GPR161: variants seen among roughly 807,000 people sequenced by gnomAD.
GPR161 encodes G-protein coupled receptor RE2.
GPR161 carries 25 observed loss-of-function variants against 39.2 expected under a neutral mutation model. That is an observed-to-expected ratio of 0.64 (90% CI 0.47 to 0.89). GPR161 has a LOEUF of 0.89. Ranked by LOEUF, GPR161 falls within the 40% of genes least tolerant of loss-of-function variation. The pLI is 0.00. For missense variants in GPR161, 547 were observed against 677.8 expected, an observed-to-expected ratio of 0.81 and a Z score of 2.14; for synonymous variants, 286 against 276.6, an observed-to-expected ratio of 1.03 and a Z score of -0.34.
chr1:168,113,869 A>G (rs780049615), intron 1 of GPR161, among the ~76,000 whole-genome samples: 2 of 152,228 alleles, frequency 1.3e-5, no homozygotes, highest in Admixed American at 1.3e-4. Flanking sequence ...AAAAATAACT[A>G]TTAGGTACTA....
At chr1:168,133,906 G>A (rs1419159476) in intron 1 of GPR161, 2 of 969,262 alleles carry the variant, frequency 2.1e-6, no homozygotes, top group Non-Finnish European at 2.5e-6. Context: ...ACCATATTGA[G>A]CACACTGAAA....
At position 168,085,053 on chromosome 1, in the gene GPR161, G is replaced by T. The variant is rs1437735951; in HGVS notation, c.*478C>A. 1 of 456,502 alleles carries T rather than the reference G, an allele frequency of 2.2e-6. No homozygotes were observed. The highest frequency in any genetic ancestry group is 4.4e-6 in the Non-Finnish European group (1 of 227,132). The allele number at this position is 456,502 out of a possible 1,614,324, so 28.3% of individuals were successfully genotyped here. A position where few individuals can be genotyped will look rare whatever the true frequency, so the allele number is the denominator to read the frequency against. On this transcript the variant is annotated 3_prime_UTR_variant, in exon 6 of 6. Transcript: ENST00000682931. ...CATGTAGAGGCACCAGGACGGTCGC[G>T]TGTCATTAGGAAGAAGTGCTGTGTC...
chr1:168,119,540 G>C (rs1200595099), intron 1 of GPR161, among the ~76,000 whole-genome samples: 1 of 151,930 alleles, frequency 6.6e-6, no homozygotes, highest in Admixed American at 6.6e-5. Flanking sequence ...AATGAGAATA[G>C]GGTTTCTACA....
chr1:168,099,127 G>C (rs1023367004), intron 2 of GPR161, among the ~76,000 whole-genome samples: 2 of 152,188 alleles, frequency 1.3e-5, no homozygotes, highest in African/African-American at 4.8e-5. Context: ...GCCCTACACT[G>C]CTCCTGCTTC....
chr1:168,089,819 A>C (rs768511697), intron 4 of GPR161, among the ~76,000 whole-genome samples: 27 of 152,298 alleles, frequency 1.8e-4, no homozygotes, highest in Admixed American at 8.5e-4. Flanking sequence ...CAGCATCTGC[A>C]GCTCCCCACC....
intron 3 of GPR161, among the ~76,000 whole-genome samples, chr1:168,095,197 G>A (rs1354298857): frequency 6.6e-6 from 1 of 152,212 alleles, no homozygotes; most frequent in Non-Finnish European, 1.5e-5. Context: ...ACTCTACAAA[G>A]CTGTCAATGT....
chr1:168,123,340 C>T (rs1167048255), intron 1 of GPR161, among the ~76,000 whole-genome samples: 1 of 152,044 alleles, frequency 6.6e-6, no homozygotes, highest in African/African-American at 2.4e-5. Context: ...CACCTGTAGT[C>T]CCAGTTAATC....
At chr1:168,135,824 C>T (rs781090809) in intron 1 of GPR161, among the ~76,000 whole-genome samples, 7 of 152,226 alleles carry the variant, frequency 4.6e-5, no homozygotes, top group Non-Finnish European at 8.8e-5. Flanking sequence ...AAACCACACA[C>T]CTCCTCACGG....
rs143834523 is a variant in GPR161 at position 168,106,013 on chromosome 1, G to A, written c.-44-1119C>T. On this transcript the variant is annotated intron_variant, in intron 1 of 5. Coordinates refer to ENST00000682931, the MANE Select transcript of GPR161 (RefSeq NM_001375883.1). The stretch of plus-strand genomic sequence containing the variant: ...TCTACTCAAACACTCTTTGGCCAGA[G>A]GGAGTGCATGGGTTAATAGGGCAGC... Among the ~76,000 whole-genome samples, 761 of 152,288 alleles carry A rather than the reference G, an allele frequency of 5.0e-3. 6 individuals carry two copies. The highest frequency in any genetic ancestry group is 0.016 in the African/African-American group (645 of 41,554).
intron 2 of GPR161, among the ~76,000 whole-genome samples, chr1:168,097,544 T>G (rs574387436): frequency 1.3e-5 from 2 of 152,320 alleles, no homozygotes; most frequent in South Asian, 2.1e-4. Flanking sequence ...TGAGGGATTA[T>G]GCATTGGGCC....
chr1:168,095,383 G>C (rs200098569), intron 3 of GPR161, among the ~76,000 whole-genome samples: 1 of 152,236 alleles, frequency 6.6e-6, no homozygotes, highest in East Asian at 1.9e-4. Flanking sequence ...GGTTGTTCAA[G>C]ACAGTAACCC....
chr1:168,091,795 T>C (rs1271282809), intron 3 of GPR161, among the ~76,000 whole-genome samples: 2 of 151,998 alleles, frequency 1.3e-5, no homozygotes, highest in African/African-American at 4.8e-5. Context: ...AAAAGGAACA[T>C]GGAGATAACA....
Position 168,098,556 on chromosome 1 carries a change from T to G in GPR161, c.375-1324A>C, listed in dbSNP as rs1372034806. ...ACACATCGCCTGGGAAGGTGGCTCCTCCACAGGGACCGCCCTGAGTCACCC... is the reference window on the plus strand; with the variant it reads ...ACACATCGCCTGGGAAGGTGGCTCCGCCACAGGGACCGCCCTGAGTCACCC... On this transcript the variant is annotated intron_variant, in intron 2 of 5. Transcript: ENST00000682931. The surrounding 1 kb of genome is among the most constrained non-coding windows in gnomAD (Gnocchi z 4.1). Among the ~76,000 whole-genome samples, 1 of 152,224 alleles carries G rather than the reference T, an allele frequency of 6.6e-6. No individual in the cohort carries two copies. Among genetic ancestry groups the G allele is most frequent in the African/African-American group, 2.4e-5 (1 of 41,464 alleles).
At chr1:168,107,627 A>G (rs1158877609) in intron 1 of GPR161, among the ~76,000 whole-genome samples, 3 of 152,226 alleles carry the variant, frequency 2.0e-5, no homozygotes, top group Non-Finnish European at 4.4e-5. Flanking sequence ...TTCTTTACAA[A>G]TTACCCAGTT....
intron 1 of GPR161, among the ~76,000 whole-genome samples, chr1:168,112,341 G>A (rs1308422072): frequency 2.6e-5 from 4 of 151,942 alleles, no homozygotes; most frequent in African/African-American, 7.2e-5. Context: ...TTAGCCAGGC[G>A]TGGTGGTGGG....
At chr1:168,135,943 G>T in intron 1 of GPR161, 1 of 808,752 alleles carries the variant, frequency 1.2e-6, no homozygotes, top group Non-Finnish European at 1.6e-6. Flanking sequence ...ATAAAGCGAT[G>T]CCAATGCGCA....
chr1:168,103,252 AAGG>A (rs1476927240), intron 2 of GPR161, among the ~76,000 whole-genome samples: 1 of 152,216 alleles, frequency 6.6e-6, no homozygotes, highest in Non-Finnish European at 1.5e-5. Context: ...TAAATGAAAA[AAGG>A]AGGACAGAAA....
Position 168,085,624 on chromosome 1 carries a change from G to GA in GPR161, c.1496dup (p.Gly500ArgfsTer42). The GA allele has an allele frequency of 6.2e-7, 1 of 1,614,070 alleles. No homozygotes were observed. Among genetic ancestry groups the GA allele is most frequent in the African/African-American group, 1.3e-5 (1 of 75,066 alleles). On this transcript the variant is annotated frameshift_variant, in exon 6 of 6. Transcript: ENST00000682931. LOFTEE classifies it low-confidence loss of function (END_TRUNC). ...GAGTTCTGCTGCCTCGGCGGCCCCC[G>GA]AAGCCGCCCCCCGGGACAGTCCGTG...
chr1:168,089,734 G>GACTGACAGAGGC (rs6143473), intron 4 of GPR161, among the ~76,000 whole-genome samples: 105,114 of 151,808 alleles, frequency 0.69, 37,383 homozygotes, highest in African/African-American at 0.86. Flanking sequence ...CCATGAGTGT[G>GACTGACAGAGGC]ACTCCCTGCC....
Sources: allele counts gnomAD v4.1 joint callset (sites outside exome capture counted in the v4.1 genomes callset), GRCh38; gene constraint gnomAD v4.1.1; non-coding constraint Gnocchi (gnomAD v3.1); transcripts MANE v1.5; gene names NCBI Gene and HGNC (gene_info 2026-07-23, HGNC 2026-07-21).